Variants in AGBL4 observed in about 807,000 individuals in gnomAD.
The protein encoded by AGBL4 is AGBL carboxypeptidase 4, also known as cytosolic carboxypeptidase 6.
A neutral mutation model predicts 66.4 loss-of-function variants in AGBL4; 58 were observed. The observed-to-expected ratio is 0.87, with a 90% CI of 0.71 to 1.09. The LOEUF (loss-of-function observed/expected upper bound fraction) is 1.09. AGBL4 is among the 50% of genes least tolerant of loss of function. The pLI, the probability that AGBL4 is intolerant of heterozygous loss-of-function variation, is 0.00. For synonymous variants in AGBL4, 234 were observed against 222.9 expected (o/e 1.05, Z -0.44); for missense variants, 579 against 631.0 (o/e 0.92, Z 0.88).
At chr1:49,611,279 G>T (rs1305310412) in intron 3 of AGBL4, among the ~76,000 whole-genome samples, 1 of 151,984 alleles carries the variant, frequency 6.6e-6, no homozygotes, top group Admixed American at 6.6e-5. Flanking sequence ...CACTAAGCAA[G>T]GTGGAAAAGA....
chr1:49,301,048 T>C (rs2148443442), intron 3 of AGBL4, among the ~76,000 whole-genome samples: 1 of 152,318 alleles, frequency 6.6e-6, no homozygotes, highest in Non-Finnish European at 1.5e-5. Context: ...GCATGTCTTG[T>C]TTGTGGCATA....
intron 6 of AGBL4, among the ~76,000 whole-genome samples, chr1:48,670,084 A>G (rs375988): frequency 0.55 from 83,266 of 152,118 alleles, 23,150 homozygotes; most frequent in Middle Eastern, 0.66. Context: ...CTCCTGAAAA[A>G]AAATGAAGCA....
At chr1:49,201,863 G>A (rs770774681) in intron 4 of AGBL4, among the ~76,000 whole-genome samples, 14 of 152,012 alleles carry the variant, frequency 9.2e-5, no homozygotes, top group Non-Finnish European at 1.9e-4. Context: ...TCCTGAATTT[G>A]TGCTCTATTC....
At chr1:48,846,381 G>T (rs1041653265) in intron 6 of AGBL4, among the ~76,000 whole-genome samples, 4 of 147,718 alleles carry the variant, frequency 2.7e-5, no homozygotes, top group African/African-American at 7.5e-5. Flanking sequence ...AAGAAAGAAA[G>T]AAAGAAAGAA....
At chr1:49,908,733 G>A (rs556440788) in intron 1 of AGBL4, among the ~76,000 whole-genome samples, 1 of 152,224 alleles carries the variant, frequency 6.6e-6, no homozygotes, top group African/African-American at 2.4e-5. Context: ...GTCAAGACCA[G>A]CCTGGGTGAC....
At chr1:48,966,531 A>G (rs916476612) in intron 5 of AGBL4, among the ~76,000 whole-genome samples, 2 of 152,186 alleles carry the variant, frequency 1.3e-5, no homozygotes, top group Admixed American at 1.3e-4. Flanking sequence ...TCATTTGCAG[A>G]GATTGGATTT....
At chr1:48,796,709 A>G (rs972447779) in intron 6 of AGBL4, among the ~76,000 whole-genome samples, 14 of 152,236 alleles carry the variant, frequency 9.2e-5, no homozygotes, top group African/African-American at 3.1e-4. Context: ...GTCTAAAGAC[A>G]TGATTTCAAA....
chr1:49,960,307 T>C (rs1000091925), intron 1 of AGBL4, among the ~76,000 whole-genome samples: 4 of 152,048 alleles, frequency 2.6e-5, no homozygotes, highest in Admixed American at 6.6e-5. Flanking sequence ...AAATGAAATA[T>C]GTCAGGAACC....
Position 48,590,924 on chromosome 1 carries a change from A to G in AGBL4, c.1013T>C (p.Met338Thr), listed in dbSNP as rs1354709344. 5 of 1,610,730 alleles carry G rather than the reference A, an allele frequency of 3.1e-6. No homozygotes were observed. Among genetic ancestry groups the G allele is most frequent in the South Asian group, 1.1e-5 (1 of 89,740 alleles). ...CTCATCCTCAAAGATGTTGCCATAC[A>G]TGAAGCCATTCATCATGGTGGAGTG... ...HAHSTMMNGFMYGNIFEDEER... is the reference protein window; with the variant it reads ...HAHSTMMNGFTYGNIFEDEER... Residue 338 changes from methionine to threonine, a missense_variant, in exon 10 of 14, where the codon ATG becomes ACG. By Grantham distance (81) the Met-to-Thr change is moderately conservative (BLOSUM62 -1). Transcript: ENST00000371839.
At chr1:49,843,586 T>A (rs1646056808) in intron 2 of AGBL4, among the ~76,000 whole-genome samples, 1 of 152,186 alleles carries the variant, frequency 6.6e-6, no homozygotes, top group Admixed American at 6.5e-5. Context: ...TTTCCACATT[T>A]AAGGACACTT....
Position 49,058,507 on chromosome 1 carries a change from C to A in AGBL4, c.378-12707G>T, listed in dbSNP as rs148555013. ...TTCCCAGTCATGTGGAACTGTGAAC[C>A]AATTAAACCTCTTTTATAAATTACC... On this transcript the variant is annotated intron_variant, in intron 4 of 13. Coordinates refer to ENST00000371839, the MANE Select transcript of AGBL4 (RefSeq NM_032785.4). 5.9e-5 allele frequency among the ~76,000 whole-genome samples: 9 copies of A among 152,278 alleles called. No homozygotes were observed. In the East Asian group the frequency reaches 1.7e-3, roughly 29 times the overall value.
At chr1:49,947,543 CGTT>C (rs1655329959) in intron 1 of AGBL4, among the ~76,000 whole-genome samples, 1 of 151,426 alleles carries the variant, frequency 6.6e-6, no homozygotes, top group African/African-American at 2.4e-5. Flanking sequence ...GGACATATCT[CGTT>C]GTAAAAAAAA....
At chr1:49,798,526 G>T (rs1399780859) in intron 2 of AGBL4, among the ~76,000 whole-genome samples, 3 of 152,100 alleles carry the variant, frequency 2.0e-5, no homozygotes, top group Non-Finnish European at 4.4e-5. Context: ...AACATAAAAT[G>T]CCATTTTTAT....
At chr1:48,690,096 A>G (rs941973135) in intron 6 of AGBL4, among the ~76,000 whole-genome samples, 1 of 152,226 alleles carries the variant, frequency 6.6e-6, no homozygotes, top group South Asian at 2.1e-4. Flanking sequence ...TTCCTGCGCC[A>G]TGGAGCCCAT....
At chr1:48,627,727 G>A (rs1359648219) in intron 9 of AGBL4, among the ~76,000 whole-genome samples, 1 of 152,144 alleles carries the variant, frequency 6.6e-6, no homozygotes, top group East Asian at 1.9e-4. Context: ...AGCAACACAG[G>A]CAGCAGCTGA....
At chr1:49,279,274 G>A (rs1179134975) in intron 3 of AGBL4, among the ~76,000 whole-genome samples, 1 of 152,030 alleles carries the variant, frequency 6.6e-6, no homozygotes, top group African/African-American at 2.4e-5. Context: ...TATAAGCGTG[G>A]GGACCTGTCT....
At chr1:49,977,155 C>T (rs765708982) in intron 1 of AGBL4, among the ~76,000 whole-genome samples, 1 of 152,184 alleles carries the variant, frequency 6.6e-6, no homozygotes, top group African/African-American at 2.4e-5. Flanking sequence ...ACTTCACCTC[C>T]CATCTTCCAT....
rs192386820 is a variant in AGBL4 at position 50,006,140 on chromosome 1, C to T, written c.34+17623G>A. Among the ~76,000 whole-genome samples, 46 of 152,158 alleles carry T rather than the reference C, an allele frequency of 3.0e-4. 1 individual carries two copies. The East Asian group carries it at 8.7e-3, about 29-fold the overall frequency. On this transcript the variant is annotated intron_variant, in intron 1 of 13. Coordinates refer to ENST00000371839, the MANE Select transcript of AGBL4 (RefSeq NM_032785.4). ...AGATCACGAGGTCAGGAGATCGAGA[C>T]CATCCTGGCTAACACGGTGAAACCC...
intron 3 of AGBL4, among the ~76,000 whole-genome samples, chr1:49,696,511 TGG>T (rs1646987617): frequency 6.6e-6 from 1 of 152,058 alleles, no homozygotes; most frequent in African/African-American, 2.4e-5. Flanking sequence ...ATGCCACAAA[TGG>T]AAAATAATAG....
Sources: allele counts gnomAD v4.1 joint callset (sites outside exome capture counted in the v4.1 genomes callset), GRCh38; gene constraint gnomAD v4.1.1; transcripts MANE v1.5; gene names NCBI Gene and HGNC (gene_info 2026-07-23, HGNC 2026-07-21).